RYR2: variants seen among roughly 807,000 people sequenced by gnomAD.
RYR2 encodes ryanodine receptor 2.
In RYR2, 227 loss-of-function variants were observed where a neutral mutation model predicts 601.1. The ratio of observed to expected loss-of-function variants is 0.38; its 90% CI spans 0.34 to 0.42. The LOEUF (loss-of-function observed/expected upper bound fraction) is 0.42. RYR2 is among the 10% of genes least tolerant of loss of function. The probability of loss-of-function intolerance (pLI) is 1.00; values close to 1 mark genes in which losing one functional copy is unlikely to be tolerated. For synonymous variants in RYR2, 2,223 were observed against 2,175.1 expected, an observed-to-expected ratio of 1.02 and a Z score of -0.61; for missense variants, 4,646 against 6,156.5, an observed-to-expected ratio of 0.75 and a Z score of 8.21.
At chr1:237,558,439 CCTT>C (rs1671123789) in intron 27 of RYR2, among the ~76,000 whole-genome samples, 1 of 152,004 alleles carries the variant, frequency 6.6e-6, no homozygotes, top group Admixed American at 6.6e-5. Flanking sequence ...CATCCCGCTG[CCTT>C]CTGGCCTTTA....
intron 84 of RYR2, among the ~76,000 whole-genome samples, chr1:237,769,657 A>G (rs1054695026): frequency 9.9e-5 from 15 of 152,066 alleles, no homozygotes; most frequent in African/African-American, 3.6e-4. Flanking sequence ...GATCATTCAT[A>G]ATTTCACTTA....
intron 1 of RYR2, among the ~76,000 whole-genome samples, chr1:237,188,158 G>A (rs959884483): frequency 6.6e-6 from 1 of 152,156 alleles, no homozygotes; most frequent in Non-Finnish European, 1.5e-5. Context: ...TGGCAGGTTG[G>A]CGAATTAGTA....
rs16835179 is a variant in RYR2, at chr1:237,369,665, A to G, written c.384+57A>G. On this transcript the variant is annotated intron_variant, in intron 6 of 104. Transcript: ENST00000366574. ...GTCATGCTGATCCATTTGGGGGTAC[A>G]TGGTCTGCAAATGCTGGTAGCATCA... The G allele has an allele frequency of 4.4e-4, 607 of 1,378,818 alleles. 2 individuals are homozygous for G. The African/African-American group carries it at 7.3e-3, about 17-fold the overall frequency. 85.4% of individuals were successfully genotyped at this position (1,378,818 alleles called of 1,614,324 possible). A position where few individuals can be genotyped will look rare whatever the true frequency, so the allele number is the denominator to read the frequency against.
intron 96 of RYR2, 44 bp from the exon 97 acceptor site, chr1:237,797,993 C>T: frequency 1.9e-6 from 3 of 1,545,746 alleles, no homozygotes; most frequent in Non-Finnish European, 2.6e-6. Flanking sequence ...GATGATGTTA[C>T]TTAATGGTTG....
At chr1:237,584,660 T>TTTTTTTG (rs1674320577) in intron 29 of RYR2, among the ~76,000 whole-genome samples, 1 of 138,624 alleles carries the variant, frequency 7.2e-6, no homozygotes, top group Non-Finnish European at 1.6e-5. Context: ...TTTTTTTTTT[T>TTTTTTTG]TTTTTTTTTT....
intron 2 of RYR2, among the ~76,000 whole-genome samples, chr1:237,304,588 A>C (rs1693688288): frequency 6.6e-6 from 1 of 152,174 alleles, no homozygotes. Flanking sequence ...GCCATCTTCC[A>C]TTTCTGGGTG....
chr1:237,058,056 G>A lies in RYR2; in HGVS notation c.48+15487G>A, dbSNP rs180686361. On this transcript the variant is annotated intron_variant, in intron 1 of 104. Coordinates refer to ENST00000366574, the MANE Select transcript of RYR2 (RefSeq NM_001035.3). ...GTGATGAAATAATCCAGCTAGGCTT[G>A]AAGCAAGCATGTCTCATTAAGACAA... Among the ~76,000 whole-genome samples the A allele has an allele frequency of 7.9e-5, 12 of 152,284 alleles. No individual in the cohort carries two copies. In the East Asian group the frequency reaches 2.1e-3, roughly 27 times the overall value.
At chr1:237,761,469 C>T (rs1360103638) in intron 84 of RYR2, among the ~76,000 whole-genome samples, 7 of 152,138 alleles carry the variant, frequency 4.6e-5, no homozygotes. Flanking sequence ...CATTCCTATT[C>T]CCTCCTCTTC....
chr1:237,227,223 G>A (rs1455502021), intron 1 of RYR2, among the ~76,000 whole-genome samples: 1 of 152,030 alleles, frequency 6.6e-6, no homozygotes, highest in Admixed American at 6.5e-5. Context: ...AAATTGCTAA[G>A]AGAGTAGGTT....
intron 63 of RYR2, 49 bp from the exon 64 acceptor site, chr1:237,698,916 A>G: frequency 9.9e-7 from 1 of 1,005,230 alleles, no homozygotes; most frequent in Non-Finnish European, 1.5e-6. Context: ...AAAGAAGAAC[A>G]TTGAGAAATT....
intron 2 of RYR2, among the ~76,000 whole-genome samples, chr1:237,320,155 A>C (rs1267548985): frequency 6.6e-6 from 1 of 152,176 alleles, no homozygotes; most frequent in Non-Finnish European, 1.5e-5. Flanking sequence ...CAGCTCTGAA[A>C]GTGTTATTTT....
intron 101 of RYR2, among the ~76,000 whole-genome samples, chr1:237,827,773 C>G (rs549089489): frequency 6.6e-6 from 1 of 151,754 alleles, no homozygotes; most frequent in South Asian, 2.1e-4. Context: ...CCTGTCTCTC[C>G]TAAAAATACA....
At position 237,300,794 on chromosome 1, in the gene RYR2, G is replaced by A. The variant is rs1050395747; in HGVS notation, c.169-30084G>A. Among the ~76,000 whole-genome samples, 6 of 152,146 alleles carry A rather than the reference G, an allele frequency of 3.9e-5. No individual in the cohort carries two copies. In the South Asian group the frequency reaches 8.3e-4, roughly 21 times the overall value. On this transcript the variant is annotated intron_variant, in intron 2 of 104. Coordinates refer to ENST00000366574, the MANE Select transcript of RYR2 (RefSeq NM_001035.3). Reference sequence around the variant, plus strand: ...CATTTTTTATAAAATAAATACGTCCGAGTTTGCTAGGGGATTCCAATCTTC... The same window carrying A: ...CATTTTTTATAAAATAAATACGTCCAAGTTTGCTAGGGGATTCCAATCTTC...
At chr1:237,485,217 A>G (rs1662553709) in intron 17 of RYR2, among the ~76,000 whole-genome samples, 2 of 152,228 alleles carry the variant, frequency 1.3e-5, no homozygotes, top group East Asian at 1.9e-4. Context: ...CAGTTATTCT[A>G]TTTACACTTA....
rs372834477 is a variant in RYR2, at chr1:237,643,120, G to C, written c.7222-207G>C. On this transcript the variant is annotated intron_variant, in intron 47 of 104. Transcript: ENST00000366574. ...GCCTAGACCATAGTATAAATAACTT[G>C]GTGTATGCTGAAATCACTGAAAACT... Among the ~76,000 whole-genome samples, 34 of 152,230 alleles carry C rather than the reference G, an allele frequency of 2.2e-4. No homozygotes were observed. In the East Asian group the frequency reaches 4.1e-3, roughly 18 times the overall value.
At chr1:237,566,810 C>T (rs143418004) in intron 28 of RYR2, 35 bp downstream of exon 28, 48 of 1,607,414 alleles carry the variant, frequency 3.0e-5, no homozygotes, top group African/African-American at 2.1e-4. Flanking sequence ...GTCATCTGTA[C>T]GTGCTGGAGG....
At chr1:237,786,612 G>A (rs1266946726) in intron 91 of RYR2, among the ~76,000 whole-genome samples, 1 of 151,804 alleles carries the variant, frequency 6.6e-6, no homozygotes, top group African/African-American at 2.4e-5. Context: ...GATCAACGCA[G>A]CAATAAAAAA....
intron 3 of RYR2, among the ~76,000 whole-genome samples, chr1:237,338,878 G>A (rs1200989142): frequency 3.3e-5 from 5 of 152,110 alleles, no homozygotes; most frequent in Admixed American, 1.3e-4. Context: ...GTAATGTGGA[G>A]GAAAAGGAGT....
intron 1 of RYR2, among the ~76,000 whole-genome samples, chr1:237,135,574 CACCTCCTTA>C (rs1672683285): frequency 6.7e-6 from 1 of 148,978 alleles, no homozygotes; most frequent in East Asian, 2.0e-4. Flanking sequence ...GATGGGTTTT[CACCTCCTTA>C]ACCAGAATGG....
Sources: gnomAD v4.1 joint callset for allele counts (sites outside exome capture counted in the v4.1 genomes callset) on GRCh38, gnomAD v4.1.1 for gene constraint, MANE v1.5 for transcripts, NCBI Gene and HGNC (gene_info 2026-07-23, HGNC 2026-07-21) for gene names.